NES: variants seen among roughly 807,000 people sequenced by gnomAD.
The protein encoded by NES is nestin.
A neutral mutation model predicts 35.6 loss-of-function variants in NES; 27 were observed. That is an observed-to-expected ratio of 0.76 (90% CI 0.56 to 1.04). The LOEUF (loss-of-function observed/expected upper bound fraction) is 1.04. Among genes scored for constraint, NES ranks in the 50% least tolerant of loss-of-function variants. The pLI, the probability that NES is intolerant of heterozygous loss-of-function variation, is 0.00. For missense variants in NES, 1,867 were observed against 1,983.6 expected (o/e 0.94, Z 1.12); for synonymous variants, 822 against 824.2 (o/e 1.00, Z 0.04).
chr1:156,675,542 G>T (rs1292723207), intron 1 of NES, among the ~76,000 whole-genome samples: 1 of 152,118 alleles, frequency 6.6e-6, no homozygotes, highest in Non-Finnish European at 1.5e-5. Context: ...CAGGGCCCCT[G>T]TCAGCACTCT....
chr1:156,669,038 A>C lies in NES; in HGVS notation c.*284T>G. On this transcript the variant is annotated 3_prime_UTR_variant, in exon 4 of 4. Transcript: ENST00000368223. ...TTCCAGCTGACGGGATGCGGAGGGA[A>C]GGGGACCTAGTACTATCGGGATTCA... 3 of 297,654 alleles carry C rather than the reference A, an allele frequency of 1.0e-5. No individual in the cohort carries two copies. The highest frequency in any genetic ancestry group is 6.2e-6 in the Non-Finnish European group (1 of 160,722). 18.4% of individuals were successfully genotyped at this position (297,654 alleles called of 1,614,324 possible). A position where few individuals can be genotyped will look rare whatever the true frequency, so the allele number is the denominator to read the frequency against.
chr1:156,676,769 G>T lies in NES; in HGVS notation c.496C>A (p.Arg166Ser). 1 of 1,357,906 alleles carries T rather than the reference G, an allele frequency of 7.4e-7. No homozygotes were observed. Among genetic ancestry groups the T allele is most frequent in the East Asian group, 3.0e-5 (1 of 32,846 alleles). The allele number at this position is 1,357,906 out of a possible 1,614,324, so 84.1% of individuals were successfully genotyped here. ...TCCGGGGCCGGCGCGGGAGGCCCGC[G>T]GGGCGGCGCGGGGCAGCGGGGGGCA... ...ACAPRCPAPP[R>S]GPPAPAPEVE... The change falls in exon 1 of 4, where the codon CGC (arginine) becomes AGC (serine). Residue 166 changes from arginine to serine, a missense_variant. Physicochemically the swap from Arg to Ser is moderately radical, Grantham distance 110 (BLOSUM62 -1). Transcript: ENST00000368223. This position sits in a 1 kb window ranked among gnomAD's most constrained non-coding sequence, Gnocchi z 5.3.
In NES at chr1:156,673,499, G is replaced by A. The variant is rs745309577; in HGVS notation, c.937C>T (p.Leu313=). Residue 313 remains leucine, a synonymous_variant, in exon 3 of 4, where the codon CTG becomes TTG. Coordinates refer to ENST00000368223, the MANE Select transcript of NES (RefSeq NM_006617.2). ...RTLLEAENSR[L]QTPGGGSKTS... ...TTGGAGCCACCGCCAGGTGTTTGCA[G>A]CCGGGAGTTCTCAGCCTCCAGGAGG... The A allele has an allele frequency of 1.9e-6, 3 of 1,613,036 alleles. No individual in the cohort carries two copies. Among genetic ancestry groups the A allele is most frequent in the Non-Finnish European group, 2.5e-6 (3 of 1,179,280 alleles).
Position 156,669,733 on chromosome 1 carries a change from C to A in NES, c.4455G>T (p.Leu1485=). 6.2e-7 allele frequency: 1 copy of A among 1,614,022 alleles called. No individual in the cohort carries two copies. The change falls in exon 4 of 4, where the codon CTG becomes CTT. Residue 1485 remains leucine, a synonymous_variant. Transcript: ENST00000368223. ...GAVAGAPKTA[L]ETESQDSAEP... ...CAGCACTGTCCTGGGACTCCGTTTC[C>A]AGGGCAGTCTTGGGGGCACCAGCCA...
At position 156,671,828 on chromosome 1, in the gene NES, G is replaced by C. The variant is rs1436524201; in HGVS notation, c.2360C>G (p.Pro787Arg). The change falls in exon 4 of 4, where the codon CCA (proline) becomes CGA (arginine). Residue 787 changes from proline to arginine, a missense_variant. Coordinates refer to ENST00000368223, the MANE Select transcript of NES (RefSeq NM_006617.2). Reference protein sequence around the residue: ...LRPPEKVDLEPLKSLDQEIAR... With the variant: ...LRPPEKVDLERLKSLDQEIAR... ...TATCTCCTGGTCAAGAGACTTCAGT[G>C]GTTCTAGATCCACTTTTTCTGGGGG... 15 of 1,613,838 alleles carry C rather than the reference G, an allele frequency of 9.3e-6. No individual in the cohort carries two copies. The highest frequency in any genetic ancestry group is 2.7e-5 in the African/African-American group (2 of 74,862).
rs1361963034 is a variant in NES at position 156,676,376 on chromosome 1, A to T, written c.783+106T>A. The T allele has an allele frequency of 1.8e-6, 2 of 1,141,748 alleles. No homozygotes were observed. Among genetic ancestry groups the T allele is most frequent in the Non-Finnish European group, 2.5e-6 (2 of 810,234 alleles). The allele number at this position is 1,141,748 out of a possible 1,614,324, so 70.7% of individuals were successfully genotyped here. On this transcript the variant is annotated intron_variant, in intron 1 of 3. Coordinates refer to ENST00000368223, the MANE Select transcript of NES (RefSeq NM_006617.2). The surrounding 1 kb of genome is among the most constrained non-coding windows in gnomAD (Gnocchi z 5.3). ...GTTTCTGAGAACTGGCTCCTGATTC[A>T]GCAGCCAGCTAGCCCCACTCCCTTC...
Position 156,669,837 on chromosome 1 carries a change from T to C in NES, c.4351A>G (p.Ser1451Gly). 6.2e-7 allele frequency: 1 copy of C among 1,613,874 alleles called. No homozygotes were observed. The highest frequency in any genetic ancestry group is 2.2e-5 in the East Asian group (1 of 44,842). The change falls in exon 4 of 4, where the codon AGC becomes GGC. Residue 1451 changes from serine to glycine, a missense_variant. Transcript: ENST00000368223. ...SSVGSLQALS[S>G]SQRGEFLESD... Reference sequence around the variant, plus strand: ...TCCAGGAATTCCCCTCTCTGGGAGCTACTCAGGGCCTGGAGGCTGCCAACA... The same window carrying C: ...TCCAGGAATTCCCCTCTCTGGGAGCCACTCAGGGCCTGGAGGCTGCCAACA...
chr1:156,673,584 C>A, intron 2 of NES, 57 bp from the exon 3 acceptor site: 2 of 1,377,180 alleles, frequency 1.5e-6, no homozygotes, highest in East Asian at 4.7e-5. Context: ...CTGCAGGCAG[C>A]AAGCCAGCTG....
chr1:156,670,801 C>G lies in NES; in HGVS notation c.3387G>C (p.Leu1129Phe). 6.2e-7 allele frequency: 1 copy of G among 1,614,134 alleles called. No individual in the cohort carries two copies. Among genetic ancestry groups the G allele is most frequent in the South Asian group, 1.1e-5 (1 of 91,086 alleles). ...CCAAGCCCTGAACCCTCTTTGCCTCCAAACTCTCCTCTTCCAGGGGTGGTT... is the reference window on the plus strand; with the variant it reads ...CCAAGCCCTGAACCCTCTTTGCCTCGAAACTCTCCTCTTCCAGGGGTGGTT... ...VMEPPLEEESLEAKRVQGLEG... is the reference protein window; with the variant it reads ...VMEPPLEEESFEAKRVQGLEG... The change falls in exon 4 of 4, where the codon TTG becomes TTC. Residue 1129 changes from leucine to phenylalanine, a missense_variant. By Grantham distance (22) the Leu-to-Phe change is conservative (BLOSUM62 0). Transcript: ENST00000368223.
At chr1:156,675,482 T>G in intron 1 of NES, 142 bp from the exon 2 acceptor site, 2 of 949,698 alleles carry the variant, frequency 2.1e-6, no homozygotes, top group Non-Finnish European at 3.0e-6. Flanking sequence ...CCGCCTCCCC[T>G]ACCCTATTCC....
rs758938012 is a variant in NES, at chr1:156,669,333, C to G, written c.4855G>C (p.Gly1619Arg). The change falls in exon 4 of 4, where the codon GGG becomes CGG. Residue 1619 changes from glycine to arginine, a missense_variant. Physicochemically the swap from Gly to Arg is moderately radical, Grantham distance 125. Transcript: ENST00000368223. ...CAGATGGTCTTTTCCTAGTCCTCCC[C>G]TGAGGACCAGGACTCTCTATCTCCT... ...REGDRESWSSGED is the reference protein window; with the variant it reads ...REGDRESWSSRED 1 of 1,564,252 alleles carries G rather than the reference C, an allele frequency of 6.4e-7. No individual in the cohort carries two copies. Among genetic ancestry groups the G allele is most frequent in the Middle Eastern group, 1.7e-4 (1 of 5,834 alleles).
Position 156,670,249 on chromosome 1 carries a change from C to T in NES, c.3939G>A (p.Trp1313Ter). The change falls in exon 4 of 4, where the codon TGG becomes TGA. Residue 1313 changes from tryptophan to a stop codon, truncating the protein, a stop_gained. Coordinates refer to ENST00000368223, the MANE Select transcript of NES (RefSeq NM_006617.2). LOFTEE classifies it low-confidence loss of function (END_TRUNC). ...FYLRSPTSPRWDPTGEQRPPP... is the reference protein window; with the variant it reads ...FYLRSPTSPR ...GTGGCCTCTGCTCTCCAGTGGGGTC[C>T]CACCTGGGGGAGGTGGGGGACCTGA... 1 of 1,612,760 alleles carries T rather than the reference C, an allele frequency of 6.2e-7. No individual in the cohort carries two copies. Among genetic ancestry groups the T allele is most frequent in the Non-Finnish European group, 8.5e-7 (1 of 1,179,264 alleles).
Position 156,671,108 on chromosome 1 carries a change from T to A in NES, c.3080A>T (p.Glu1027Val). ...PEPKEQRGLV[E>V]GASVKGGAEG... ...AGCCCCTCCCTTCACACTGGCTCCC[T>A]CAACCAGGCCTCTCTGCTCTTTGGG... Residue 1027 changes from glutamate to valine, a missense_variant, in exon 4 of 4, where the codon GAG becomes GTG. Physicochemically the swap from Glu to Val is moderately radical, Grantham distance 121. Coordinates refer to ENST00000368223, the MANE Select transcript of NES (RefSeq NM_006617.2). 6.2e-7 allele frequency: 1 copy of A among 1,614,080 alleles called. No homozygotes were observed.
In NES at chr1:156,675,325, G is replaced by C; in HGVS notation, c.799C>G (p.Leu267Val). The change falls in exon 2 of 4, where the codon CTG (leucine) becomes GTG (valine). Residue 267 changes from leucine to valine, a missense_variant. By Grantham distance (32) the Leu-to-Val change is conservative (BLOSUM62 1). Transcript: ENST00000368223. Reference protein sequence around the residue: ...TEKFQLAVEALEQEKQGLQSQ... With the variant: ...TEKFQLAVEAVEQEKQGLQSQ... ...TGTAGGCCCTGTTTCTCCTGCTCCA[G>C]GGCCTCCACAGCCAGCTGCAGGGCA... is the stretch of plus-strand genomic sequence containing the variant. The C allele has an allele frequency of 6.2e-7, 1 of 1,609,650 alleles. No individual in the cohort carries two copies. The highest frequency in any genetic ancestry group is 8.5e-7 in the Non-Finnish European group (1 of 1,177,084).
chr1:156,675,473 C>T (rs1014331358), intron 1 of NES, 133 bp from the exon 2 acceptor site: 22 of 1,049,050 alleles, frequency 2.1e-5, no homozygotes, highest in African/African-American at 4.8e-5. Context: ...AGCAGACCCC[C>T]GCCTCCCCTA....
chr1:156,675,504 G>GC (rs1647248620), intron 1 of NES, among the ~76,000 whole-genome samples, 164 bp from the exon 2 acceptor site: 1 of 152,004 alleles, frequency 6.6e-6, no homozygotes, highest in Non-Finnish European at 1.5e-5. Flanking sequence ...TGCCCAGAGA[G>GC]CCCCCTCTGG....
Position 156,676,435 on chromosome 1 carries a change from TG to T in NES, c.783+46del. On this transcript the variant is annotated intron_variant, in intron 1 of 3. Coordinates refer to ENST00000368223, the MANE Select transcript of NES (RefSeq NM_006617.2). This position sits in a 1 kb window ranked among gnomAD's most constrained non-coding sequence, Gnocchi z 5.3. ...TCTCTGAGCTTCATAAGGGACTTTC[TG>T]GAGCTTTCTGGGACTTTCTCTCACC... is the stretch of plus-strand genomic sequence containing the variant. 3 of 1,583,822 alleles carry T rather than the reference TG, an allele frequency of 1.9e-6. No individual in the cohort carries two copies. In the South Asian group the frequency reaches 3.4e-5, roughly 18 times the overall value.
chr1:156,670,506 TC>T lies in NES; in HGVS notation c.3681del (p.Ile1228SerfsTer32), dbSNP rs1450543507. ...VLVSPSPTYT[P>X]ILEDAPGPQP... ...TGAGGCCCAGGGGCATCTTCCAGGA[TC>T]GGGGTGTACGTTGGGCTGGGGGAGA... On this transcript the variant is annotated frameshift_variant, in exon 4 of 4. Transcript: ENST00000368223. LOFTEE classifies it low-confidence loss of function (END_TRUNC). The T allele has an allele frequency of 6.3e-7, 1 of 1,594,870 alleles. No homozygotes were observed. Among genetic ancestry groups the T allele is most frequent in the Non-Finnish European group, 8.6e-7 (1 of 1,168,152 alleles).
chr1:156,670,126 C>G lies in NES; in HGVS notation c.4062G>C (p.Glu1354Asp). Residue 1354 changes from glutamate (E) to aspartate (D), a missense_variant, in exon 4 of 4, where the codon GAG becomes GAC. Physicochemically the swap from Glu to Asp is conservative, Grantham distance 45. Transcript: ENST00000368223. ...AGTCACGGCCACACTCCTCTTCTCC[C>G]TCCTCCCCCTCCTCCTTTTCTGAGG... is the stretch of plus-strand genomic sequence containing the variant. ...APPSEKEEGE[E>D]GEEECGRDSD... The G allele has an allele frequency of 1.9e-6, 3 of 1,614,024 alleles. No homozygotes were observed. Among genetic ancestry groups the G allele is most frequent in the Non-Finnish European group, 1.7e-6 (2 of 1,179,998 alleles).
Sources: gnomAD v4.1 joint callset for allele counts (sites outside exome capture counted in the v4.1 genomes callset) on GRCh38, gnomAD v4.1.1 for gene constraint, Gnocchi (gnomAD v3.1) non-coding constraint, MANE v1.5 for transcripts, NCBI Gene and HGNC (gene_info 2026-07-23, HGNC 2026-07-21) for gene names.